Variants in SLC19A1 observed in about 807,000 individuals in gnomAD.
SLC19A1 encodes reduced folate transporter.
SLC19A1 carries 37 observed loss-of-function variants against 35.3 expected under a neutral mutation model. The observed-to-expected ratio is 1.05, with a 90% CI of 0.81 to 1.38. The LOEUF (loss-of-function observed/expected upper bound fraction) is 1.38, where lower values mean the gene tolerates loss of function less well. Among genes scored for constraint, SLC19A1 ranks in the 40% most tolerant of loss-of-function variants. The pLI is 0.00. For synonymous variants in SLC19A1, 460 were observed against 398.5 expected (o/e 1.15, Z -1.84); for missense variants, 831 against 826.9 (o/e 1.00, Z -0.06).
rs1259532212 is a variant in SLC19A1, at chr21:45,533,681, A to G, written c.190-1533T>C. On this transcript the variant is annotated intron_variant, in intron 2 of 5. Coordinates refer to ENST00000311124, the MANE Select transcript of SLC19A1 (RefSeq NM_194255.4). The surrounding 1 kb of genome is among the most constrained non-coding windows in gnomAD (Gnocchi z 4.5). ...GGCCCCACCCGACTCAGGCCTGACCACCAGTAACCCCACAGCCCCACTCGT... is the reference window on the plus strand; with the variant it reads ...GGCCCCACCCGACTCAGGCCTGACCGCCAGTAACCCCACAGCCCCACTCGT... Among the ~76,000 whole-genome samples the G allele has an allele frequency of 6.6e-6, 1 of 151,896 alleles. No homozygotes were observed. The highest frequency in any genetic ancestry group is 1.5e-5 in the Non-Finnish European group (1 of 67,904).
At chr21:45,509,934 T>TGCGCGCCTCCCG, downstream of SLC19A1, 1 of 1,075,334 alleles carries the variant, frequency 9.3e-7, no homozygotes, top group Admixed American at 2.4e-5. Flanking sequence ...GTGTGTCACT[T>TGCGCGCCTCCCG]GCGCGCCTCC....
intron 5 of SLC19A1, among the ~76,000 whole-genome samples, chr21:45,518,772 A>G (rs1336231223): frequency 6.6e-6 from 1 of 152,244 alleles, no homozygotes; most frequent in African/African-American, 2.4e-5. Flanking sequence ...ACATCCTTTG[A>G]GAATAAAAGA....
chr21:45,510,082 A>T, downstream of SLC19A1: 1 of 1,580,004 alleles, frequency 6.3e-7, no homozygotes, highest in South Asian at 1.1e-5. Context: ...GGTTGCGCTC[A>T]ACAGCCCCCT....
intron 3 of SLC19A1, among the ~76,000 whole-genome samples, chr21:45,503,746 C>T (rs937488952): frequency 2.6e-5 from 4 of 151,718 alleles, no homozygotes; most frequent in Admixed American, 6.6e-5. Flanking sequence ...TGTAACTAAC[C>T]TGCACATCAT....
Position 45,513,863 on chromosome 21 carries a change from G to A in SLC19A1, c.*1795C>T, listed in dbSNP as rs1156772121. 1.4e-4 allele frequency: 21 copies of A among 152,406 alleles called. No individual in the cohort carries two copies. Among genetic ancestry groups the A allele is most frequent in the Admixed American group, 1.3e-3 (20 of 15,314 alleles). The allele number at this position is 152,406 out of a possible 1,614,324, so 9.4% of individuals were successfully genotyped here. On this transcript the variant is annotated 3_prime_UTR_variant, in exon 6 of 6. Coordinates refer to ENST00000311124, the MANE Select transcript of SLC19A1 (RefSeq NM_194255.4). ...ACGCACGGTTACATGGGGTATGCAT[G>A]CATGGCCATACACAGGCGTGCAGTT... is the stretch of plus-strand genomic sequence containing the variant.
chr21:45,531,292 C>G (rs1359089612), intron 3 of SLC19A1, 97 bp downstream of exon 3: 68 of 1,150,502 alleles, frequency 5.9e-5, no homozygotes, highest in East Asian at 1.8e-4. Flanking sequence ...GGGCAGGGGG[C>G]GGGAGAGGGA....
chr21:45,548,381 C>T (rs141629792), upstream of SLC19A1, among the ~76,000 whole-genome samples: 94 of 152,366 alleles, frequency 6.2e-4, no homozygotes, highest in Middle Eastern at 3.4e-3. Flanking sequence ...GTATCTGATA[C>T]AGGACTTGTA....
intron 5 of SLC19A1, among the ~76,000 whole-genome samples, chr21:45,525,297 C>G (rs914710426): frequency 6.6e-6 from 1 of 152,250 alleles, no homozygotes; most frequent in African/African-American, 2.4e-5. Context: ...ATGGCTGATT[C>G]CAGCTCACTC....
intron 5 of SLC19A1, among the ~76,000 whole-genome samples, chr21:45,525,107 T>C (rs2077563328): frequency 6.6e-6 from 1 of 152,198 alleles, no homozygotes; most frequent in African/African-American, 2.4e-5. Context: ...CTGGAGTCAC[T>C]GAAGCTGAAC....
intron 1 of SLC19A1, among the ~76,000 whole-genome samples, chr21:45,553,479 A>C (rs746964814): frequency 7.9e-5 from 12 of 151,998 alleles, no homozygotes; most frequent in Admixed American, 1.3e-4. Flanking sequence ...GAGACATAAA[A>C]TGTACCATGT....
chr21:45,507,570 C>A (rs564336928), downstream of SLC19A1: 1 of 1,612,978 alleles, frequency 6.2e-7, no homozygotes, highest in Non-Finnish European at 8.5e-7. Context: ...GCTGGAGGCC[C>A]GGACACCACT....
intron 3 of SLC19A1, chr21:45,507,127 AGGGAGGGCACCCTCCTGTGGGCT>A (rs2037256099): frequency 1.2e-5 from 2 of 171,612 alleles, no homozygotes; most frequent in Non-Finnish European, 2.2e-5. Flanking sequence ...GGTGCTGGGC[AGGGAGGGCACCCTCCTGTGGGCT>A]GGGAGGGCCG....
Position 45,531,922 on chromosome 21 carries a change from T to C in SLC19A1, c.416A>G (p.Tyr139Cys). 6.3e-7 allele frequency: 1 copy of C among 1,597,692 alleles called. No homozygotes were observed. The highest frequency in any genetic ancestry group is 1.1e-5 in the South Asian group (1 of 89,634). Residue 139 changes from tyrosine to cysteine, a missense_variant, in exon 3 of 6, where the codon TAC becomes TGC. Physicochemically the swap from Tyr to Cys is radical, Grantham distance 194. Coordinates refer to ENST00000311124, the MANE Select transcript of SLC19A1 (RefSeq NM_194255.4). ...CGCGGGCCGCACGAGAGAGAAGATGTAGGAGGAATAGGCGATGCGCGCGGC... is the reference window on the plus strand; with the variant it reads ...CGCGGGCCGCACGAGAGAGAAGATGCAGGAGGAATAGGCGATGCGCGCGGC... The part of the protein sequence containing the change: ...TMAARIAYSS[Y>C]IFSLVRPARY...
intron 3 of SLC19A1, chr21:45,504,410 C>T: frequency 6.2e-7 from 1 of 1,610,906 alleles, no homozygotes; most frequent in Non-Finnish European, 8.5e-7. Context: ...GTGTTTCCGT[C>T]CACAGGGGGA....
intron 5 of SLC19A1, 45 bp downstream of exon 5, chr21:45,525,772 C>T: frequency 6.2e-7 from 1 of 1,603,068 alleles, no homozygotes; most frequent in Non-Finnish European, 8.5e-7. Flanking sequence ...AATGTCCCCA[C>T]AAGTAGCTTC....
intron 3 of SLC19A1, chr21:45,507,445 CTCCTG>C: frequency 4.2e-6 from 3 of 712,246 alleles, no homozygotes; most frequent in Non-Finnish European, 6.5e-6. Context: ...GGAGGGCACC[CTCCTG>C]TGGGCTGGGA....
downstream of SLC19A1, among the ~76,000 whole-genome samples, chr21:45,510,884 G>A (rs1287355884): frequency 1.3e-5 from 2 of 151,938 alleles, no homozygotes; most frequent in Admixed American, 6.6e-5. Flanking sequence ...GCTCCCCCAC[G>A]CTTGTTCCCT....
intron 1 of SLC19A1, among the ~76,000 whole-genome samples, chr21:45,551,564 C>G (rs555725780): frequency 1.4e-3 from 210 of 152,250 alleles, no homozygotes; most frequent in African/African-American, 4.9e-3. Flanking sequence ...GAGAATGATT[C>G]AAACGTTTCC....
Position 45,514,913 on chromosome 21 carries a change from C to T in SLC19A1, c.*745G>A, listed in dbSNP as rs995725656. On this transcript the variant is annotated 3_prime_UTR_variant, in exon 6 of 6. Coordinates refer to ENST00000311124, the MANE Select transcript of SLC19A1 (RefSeq NM_194255.4). ...GCACATACCAAGGCCAGCACGTCCG[C>T]GGTGACCGGGACCAGTCCCCTCCGG... 3.1e-6 allele frequency: 4 copies of T among 1,297,682 alleles called. No individual in the cohort carries two copies. Among genetic ancestry groups the T allele is most frequent in the South Asian group, 1.6e-5 (1 of 60,850 alleles). 80.4% of individuals were successfully genotyped at this position (1,297,682 alleles called of 1,614,324 possible). A position where few individuals can be genotyped will look rare whatever the true frequency, so the allele number is the denominator to read the frequency against.
Sources: gnomAD v4.1 joint callset for allele counts (sites outside exome capture counted in the v4.1 genomes callset) on GRCh38, gnomAD v4.1.1 for gene constraint, Gnocchi (gnomAD v3.1) non-coding constraint, MANE v1.5 for transcripts, NCBI Gene and HGNC (gene_info 2026-07-23, HGNC 2026-07-21) for gene names.